Variants in LY96 observed in about 807,000 individuals in gnomAD.
LY96 encodes myeloid differentiation protein-2.
A neutral mutation model predicts 18.9 loss-of-function variants in LY96; 18 were observed. The observed-to-expected ratio is 0.95, with a 90% confidence interval of 0.66 to 1.41. The LOEUF is 1.41. LY96 is among the 40% of genes most tolerant of loss of function. The probability of loss-of-function intolerance (pLI) is 0.00; values close to 1 mark genes in which losing one functional copy is unlikely to be tolerated. For missense variants in LY96, 175 were observed against 182.4 expected, an observed-to-expected ratio of 0.96 and a Z score of 0.23; for synonymous variants, 66 against 62.6, an observed-to-expected ratio of 1.06 and a Z score of -0.26.
chr8:74,008,004 C>G (rs1157521094), intron 2 of LY96, among the ~76,000 whole-genome samples: 1 of 152,204 alleles, frequency 6.6e-6, no homozygotes, highest in African/African-American at 2.4e-5. Context: ...AGGAGATCTG[C>G]CCGCCTTGGC....
chr8:74,002,267 G>T (rs192654203), intron 1 of LY96, among the ~76,000 whole-genome samples: 10 of 151,558 alleles, frequency 6.6e-5, no homozygotes, highest in Non-Finnish European at 1.0e-4. Flanking sequence ...CTCCTGAGTA[G>T]CTGGGATTAT....
At chr8:74,037,298 G>A in the LY96 span, among the ~76,000 whole-genome samples, 1 of 152,204 alleles carries the variant, frequency 6.6e-6, no homozygotes, top group Admixed American at 6.5e-5. Context: ...TTAGCCTCTG[G>A]ATGAAGATGA....
the LY96 span, among the ~76,000 whole-genome samples, chr8:74,082,836 C>G: frequency 6.6e-6 from 1 of 152,080 alleles, no homozygotes; most frequent in African/African-American, 2.4e-5. Flanking sequence ...CTTAGCAAGG[C>G]CTGTTTGTTC....
chr8:73,994,143 C>T (rs975074372), intron 1 of LY96, among the ~76,000 whole-genome samples: 1 of 151,736 alleles, frequency 6.6e-6, no homozygotes, highest in African/African-American at 2.4e-5. Flanking sequence ...CACCACCATG[C>T]CTGGCTAATT....
intron 3 of LY96, among the ~76,000 whole-genome samples, chr8:74,024,594 G>A (rs56230757): frequency 0.18 from 27,263 of 151,684 alleles, 2,783 homozygotes; most frequent in African/African-American, 0.29. Context: ...ACGTGTTATC[G>A]CCCATCAGCA....
At chr8:74,045,662 C>A in the LY96 span, among the ~76,000 whole-genome samples, 4 of 152,090 alleles carry the variant, frequency 2.6e-5, no homozygotes, top group Non-Finnish European at 4.4e-5. Flanking sequence ...TCCCCCAGGG[C>A]TAGTAGCAGT....
chr8:74,005,831 A>C (rs1470659612), intron 2 of LY96, among the ~76,000 whole-genome samples: 2 of 152,238 alleles, frequency 1.3e-5, no homozygotes, highest in Non-Finnish European at 2.9e-5. Context: ...GGAATCCCAG[A>C]AAACTTTAGT....
At chr8:73,996,981 A>T (rs1002281620) in intron 1 of LY96, among the ~76,000 whole-genome samples, 2 of 151,974 alleles carry the variant, frequency 1.3e-5, no homozygotes, top group African/African-American at 4.8e-5. Flanking sequence ...CTGACCTCAG[A>T]CAATCCACCC....
At chr8:74,060,858 C>T in the LY96 span, among the ~76,000 whole-genome samples, 1 of 152,198 alleles carries the variant, frequency 6.6e-6, no homozygotes, top group Non-Finnish European at 1.5e-5. Flanking sequence ...CGTGGTCCTT[C>T]CAAACCTCTT....
rs541094747 is a variant in LY96, at chr8:74,018,743, C to A, written c.332-8046C>A. Among the ~76,000 whole-genome samples the A allele has an allele frequency of 9.6e-4, 146 of 152,312 alleles. 1 individual carries two copies. The highest frequency in any genetic ancestry group is 3.4e-3 in the African/African-American group (141 of 41,560). On this transcript the variant is annotated intron_variant, in intron 3 of 4. Coordinates refer to ENST00000284818, the MANE Select transcript of LY96 (RefSeq NM_015364.5). ...ACTGTCTTTCAGACCACAATGCAAT[C>A]AAATTAGAACTCAGGATTAAGAAAC...
the LY96 span, among the ~76,000 whole-genome samples, chr8:74,087,280 A>G: frequency 6.6e-6 from 1 of 152,220 alleles, no homozygotes; most frequent in African/African-American, 2.4e-5. Flanking sequence ...GCAGATTAAT[A>G]AACTGCAGTC....
At chr8:74,043,465 T>C in the LY96 span, among the ~76,000 whole-genome samples, 1 of 152,152 alleles carries the variant, frequency 6.6e-6, no homozygotes, top group Non-Finnish European at 1.5e-5. Flanking sequence ...GGACTGCAGT[T>C]GGGATAGACC....
At chr8:74,026,434 C>A (rs573059856) in intron 3 of LY96, among the ~76,000 whole-genome samples, 1 of 152,334 alleles carries the variant, frequency 6.6e-6, no homozygotes, top group Admixed American at 6.5e-5. Flanking sequence ...CTCTATTATA[C>A]CCAGCTTAAT....
chr8:74,092,264 T>C, the LY96 span, among the ~76,000 whole-genome samples: 2 of 152,288 alleles, frequency 1.3e-5, no homozygotes, highest in East Asian at 1.9e-4. Context: ...CAGAGAAGCA[T>C]AAGTTTTTCT....
chr8:74,095,680 C>T, the LY96 span, among the ~76,000 whole-genome samples: 4 of 152,310 alleles, frequency 2.6e-5, no homozygotes, highest in Admixed American at 2.0e-4. Flanking sequence ...TCCCTCCTAC[C>T]TCTTCTGCTG....
chr8:74,020,610 A>G (rs932653773), intron 3 of LY96, among the ~76,000 whole-genome samples: 2 of 152,218 alleles, frequency 1.3e-5, no homozygotes, highest in African/African-American at 4.8e-5. Context: ...CTGCATTGCC[A>G]AGACAATCCT....
At chr8:73,994,494 A>G (rs10957691) in intron 1 of LY96, among the ~76,000 whole-genome samples, 28,569 of 151,902 alleles carry the variant, frequency 0.19, 3,279 homozygotes, top group African/African-American at 0.32. Flanking sequence ...ATCTAAGTGT[A>G]TGTTTTTTTA....
At chr8:74,017,554 C>T (rs563836651) in intron 3 of LY96, among the ~76,000 whole-genome samples, 39 of 152,228 alleles carry the variant, frequency 2.6e-4, no homozygotes, top group African/African-American at 9.1e-4. Flanking sequence ...ACAGAGAACA[C>T]CACAAGGTAC....
downstream of LY96, among the ~76,000 whole-genome samples, chr8:74,029,651 TCTTTC>T (rs1398382701): frequency 6.6e-6 from 1 of 152,142 alleles, no homozygotes; most frequent in Non-Finnish European, 1.5e-5. Context: ...CAGTTAAACC[TCTTTC>T]CTTTATTTTA....
Sources: gnomAD v4.1 joint callset for allele counts (sites outside exome capture counted in the v4.1 genomes callset) on GRCh38, gnomAD v4.1.1 for gene constraint, MANE v1.5 for transcripts, NCBI Gene and HGNC (gene_info 2026-07-23, HGNC 2026-07-21) for gene names.